The following MYO18A variants were observed in gnomAD, a reference collection of about 807,000 sequenced individuals.
MYO18A encodes the protein myosin XVIIIA, also known as unconventional myosin-XVIIIa.
MYO18A carries 78 observed loss-of-function variants against 235.8 expected under a neutral mutation model. The ratio of observed to expected loss-of-function variants is 0.33; its 90% CI spans 0.28 to 0.40. The LOEUF is 0.40. Ranked by LOEUF, MYO18A falls within the 10% of genes least tolerant of loss-of-function variation. The probability of loss-of-function intolerance (pLI) is 1.00; values close to 1 mark genes in which losing one functional copy is unlikely to be tolerated. For missense variants in MYO18A, 2,215 were observed against 2,699.3 expected (o/e 0.82, Z 3.98); for synonymous variants, 977 against 1,077.8 (o/e 0.91, Z 1.83).
rs554011224 is a variant in MYO18A, at chr17:29,071,506, T to G, written c.*3264A>C. 4 of 152,252 alleles carry G rather than the reference T, an allele frequency of 2.6e-5. No individual in the cohort carries two copies. Among genetic ancestry groups the G allele is most frequent in the Non-Finnish European group, 5.9e-5 (4 of 68,066 alleles). The allele number at this position is 152,252 out of a possible 1,614,324, so 9.4% of individuals were successfully genotyped here. On this transcript the variant is annotated 3_prime_UTR_variant, in exon 42 of 42. Coordinates refer to ENST00000527372, the MANE Select transcript of MYO18A (RefSeq NM_078471.4). The stretch of plus-strand genomic sequence containing the variant: ...GACAATGCACAGCCAGCCTGTGGCA[T>G]GTTCTACCAGCACCTCTCTTTCCCT...
chr17:29,094,774 T>A lies in MYO18A; in HGVS notation c.4586A>T (p.Gln1529Leu). Residue 1529 changes from glutamine to leucine, a missense_variant, in exon 30 of 42, where the codon CAA (glutamine) becomes CTA (leucine). Coordinates refer to ENST00000527372, the MANE Select transcript of MYO18A (RefSeq NM_078471.4). ...CAGAGAAGCCTCATCCTTGGACTCTTGGGAAGAAATGTCCTGGAGCTCTGC... is the reference window on the plus strand; with the variant it reads ...CAGAGAAGCCTCATCCTTGGACTCTAGGGAAGAAATGTCCTGGAGCTCTGC... ...LEAELQDISS[Q>L]ESKDEASLAK... The A allele has an allele frequency of 6.2e-7, 1 of 1,614,040 alleles. No individual in the cohort carries two copies. The highest frequency in any genetic ancestry group is 1.7e-5 in the Admixed American group (1 of 60,024).
At position 29,115,081 on chromosome 17, in the gene MYO18A, C is replaced by G. The variant is rs2067024348; in HGVS notation, c.2337G>C (p.Gln779His). 6.2e-7 allele frequency: 1 copy of G among 1,613,222 alleles called. No individual in the cohort carries two copies. The highest frequency in any genetic ancestry group is 8.5e-7 in the Non-Finnish European group (1 of 1,179,496). ...SLVNRALKSS[Q>H]HSLCSMMIVD... is the part of the protein sequence containing the mutation. ...CAATCATCATGGAGCAGAGTGAGTG[C>G]TGGCTGGACTTGAGAGCCCTGGATA... The change falls in exon 14 of 42, where the codon CAG becomes CAC. Residue 779 changes from glutamine (Q) to histidine (H), a missense_variant. By Grantham distance (24) the Gln-to-His change is conservative. Transcript: ENST00000527372.
In MYO18A at chr17:29,166,727, T is replaced by C. The variant is rs1477807453; in HGVS notation, c.214A>G (p.Ser72Gly). The change falls in exon 2 of 42, where the codon AGC (serine) becomes GGC (glycine). Residue 72 changes from serine to glycine, a missense_variant. Ser to Gly is a moderately conservative substitution (Grantham distance 56). Transcript: ENST00000527372. ...TCAGTCAGGTGCAGGTCAGAGCCGC[T>C]GGCCACCTTGATGGGGATGGGGTTG... is the stretch of plus-strand genomic sequence containing the variant. The part of the protein sequence containing the change: ...ISNPIPIKVA[S>G]GSDLHLTDID... 1.9e-6 allele frequency: 3 copies of C among 1,613,884 alleles called. No individual in the cohort carries two copies. The highest frequency in any genetic ancestry group is 2.2e-5 in the East Asian group (1 of 44,866).
chr17:29,119,430 C>T lies in MYO18A; in HGVS notation c.1734G>A (p.Met578Ile). 1 of 1,609,214 alleles carries T rather than the reference C, an allele frequency of 6.2e-7. No individual in the cohort carries two copies. The highest frequency in any genetic ancestry group is 1.1e-5 in the South Asian group (1 of 89,804). The change falls in exon 8 of 42, where the codon ATG becomes ATA. Residue 578 changes from methionine (M) to isoleucine (I), a missense_variant. Met to Ile is a conservative substitution (Grantham distance 10). Coordinates refer to ENST00000527372, the MANE Select transcript of MYO18A (RefSeq NM_078471.4). ...GQVASASIQT[M>I]LLEKLRVARR... ...GAGCCACACGCAGCTTCTCCAGAAGCATTGTCTGTGACACAGCATGGACGT... is the reference window on the plus strand; with the variant it reads ...GAGCCACACGCAGCTTCTCCAGAAGTATTGTCTGTGACACAGCATGGACGT...
rs201506566 is a variant in MYO18A at position 29,121,893 on chromosome 17, G to A, written c.1152C>T (p.His384=). The A allele has an allele frequency of 8.9e-5, 144 of 1,613,784 alleles. No homozygotes were observed. Among genetic ancestry groups the A allele is most frequent in the African/African-American group, 1.1e-4 (8 of 74,990 alleles). Residue 384 remains histidine (H), a synonymous_variant, in exon 4 of 42, where the codon CAC becomes CAT. Transcript: ENST00000527372. The surrounding 1 kb of genome is among the most constrained non-coding windows in gnomAD (Gnocchi z 4.2). ...CATCCACATCCAGGATGGCCCCATCGTGGTCCAGCTTCACACGCACCTTCC... is the reference window on the plus strand; with the variant it reads ...CATCCACATCCAGGATGGCCCCATCATGGTCCAGCTTCACACGCACCTTCC... ...PEGKVRVKLD[H]DGAILDVDED... is the part of the protein sequence containing the mutation.
intron 15 of MYO18A, among the ~76,000 whole-genome samples, chr17:29,112,740 G>A (rs1474840892): frequency 4.6e-5 from 7 of 152,204 alleles, no homozygotes; most frequent in African/African-American, 2.4e-5. Flanking sequence ...TCAGGGGCTG[G>A]AGGAAAAAAG....
rs115879207 is a variant in MYO18A at position 29,131,724 on chromosome 17, T to A, written c.1000-9471A>T. On this transcript the variant is annotated intron_variant, in intron 2 of 41. Coordinates refer to ENST00000527372, the MANE Select transcript of MYO18A (RefSeq NM_078471.4). ...CCACTTTGGGGGCTGTCTAAAGAGG[T>A]CCACCCACAGTGCCATCGTGGCTTT... Among the ~76,000 whole-genome samples the A allele has an allele frequency of 5.5e-3, 843 of 152,282 alleles. 10 individuals carry two copies. The highest frequency in any genetic ancestry group is 0.02 in the African/African-American group (814 of 41,546).
chr17:29,115,907 A>G (rs1297050722), intron 11 of MYO18A, 67 bp from the exon 12 acceptor site: 1 of 1,513,662 alleles, frequency 6.6e-7, no homozygotes, highest in Non-Finnish European at 8.9e-7. Flanking sequence ...TGACCTGATG[A>G]CCAGCTGATG....
chr17:29,131,268 C>T (rs2067465346), intron 2 of MYO18A: 1 of 539,120 alleles, frequency 1.9e-6, no homozygotes, highest in Non-Finnish European at 2.4e-6. Context: ...ACAGGCTAGT[C>T]CAGGGCTAGT....
At chr17:29,116,312 A>T in intron 11 of MYO18A, 132 bp downstream of exon 11, 1 of 998,188 alleles carries the variant, frequency 1.0e-6, no homozygotes, top group Non-Finnish European at 1.6e-6. Context: ...ACAAACACCC[A>T]CTGATGGCCC....
chr17:29,136,610 A>G (rs1279300419), intron 2 of MYO18A, among the ~76,000 whole-genome samples: 1 of 152,192 alleles, frequency 6.6e-6, no homozygotes, highest in African/African-American at 2.4e-5. Flanking sequence ...TGATATGGGA[A>G]TTATTATTAT....
intron 33 of MYO18A, 27 bp downstream of exon 33, chr17:29,092,828 G>A (rs767628159): frequency 2.5e-6 from 4 of 1,612,418 alleles, no homozygotes; most frequent in Non-Finnish European, 2.5e-6. Context: ...GTTGTGCCTG[G>A]ATCAGCCGTG....
Position 29,106,986 on chromosome 17 carries a change from C to T in MYO18A, c.3441+94G>A. 1 of 1,225,666 alleles carries T rather than the reference C, an allele frequency of 8.2e-7. No homozygotes were observed. The highest frequency in any genetic ancestry group is 1.2e-6 in the Non-Finnish European group (1 of 837,186). The allele number at this position is 1,225,666 out of a possible 1,614,324, so 75.9% of individuals were successfully genotyped here. A position where few individuals can be genotyped will look rare whatever the true frequency, so the allele number is the denominator to read the frequency against. ...GGGAGCCTGAGCAGGGCCAGATGAG[C>T]TGTCTCCAGGGAAGGGAAGGCAGAT... On this transcript the variant is annotated intron_variant, in intron 20 of 41. Transcript: ENST00000527372. This position sits in a 1 kb window ranked among gnomAD's most constrained non-coding sequence, Gnocchi z 4.6.
rs1423980680 is a variant in MYO18A at position 29,109,225 on chromosome 17, G to A, written c.3331+633C>T. 6.6e-6 allele frequency among the ~76,000 whole-genome samples: 1 copy of A among 151,902 alleles called. No homozygotes were observed. The highest frequency in any genetic ancestry group is 6.6e-5 in the Admixed American group (1 of 15,258). On this transcript the variant is annotated intron_variant, in intron 19 of 41. Coordinates refer to ENST00000527372, the MANE Select transcript of MYO18A (RefSeq NM_078471.4). This position sits in a 1 kb window ranked among gnomAD's most constrained non-coding sequence, Gnocchi z 4.1. ...ACATGACTCTACAGCCAGCCTGCCT[G>A]GTCAAATCCCACTCTGCCACTCAGG...
Position 29,109,561 on chromosome 17 carries a change from G to T in MYO18A, c.3331+297C>A, listed in dbSNP as rs565802790. Reference sequence around the variant, plus strand: ...AAGCTGAACTGTCCAAACTAGGGACGTGGGAAGAAAGGGAGCTGTGGACAA... The same window carrying T: ...AAGCTGAACTGTCCAAACTAGGGACTTGGGAAGAAAGGGAGCTGTGGACAA... On this transcript the variant is annotated intron_variant, in intron 19 of 41. Coordinates refer to ENST00000527372, the MANE Select transcript of MYO18A (RefSeq NM_078471.4). The surrounding 1 kb of genome is among the most constrained non-coding windows in gnomAD (Gnocchi z 4.1). Among the ~76,000 whole-genome samples the T allele has an allele frequency of 6.6e-6, 1 of 152,198 alleles. No homozygotes were observed. Among genetic ancestry groups the T allele is most frequent in the African/African-American group, 2.4e-5 (1 of 41,452 alleles).
intron 11 of MYO18A, 113 bp downstream of exon 11, chr17:29,116,331 G>C: frequency 7.9e-7 from 1 of 1,262,090 alleles, no homozygotes. Flanking sequence ...CCAACAGTGG[G>C]GAGGCAAAAA....
At chr17:29,090,293 A>C in intron 36 of MYO18A, 195 bp from the exon 37 acceptor site, 1 of 706,494 alleles carries the variant, frequency 1.4e-6, no homozygotes, top group African/African-American at 1.8e-5. Context: ...ATTGCCCTTC[A>C]GAGAGAAAGG....
chr17:29,135,225 C>T (rs1396538654), intron 2 of MYO18A, among the ~76,000 whole-genome samples: 3 of 152,062 alleles, frequency 2.0e-5, no homozygotes, highest in South Asian at 2.1e-4. Flanking sequence ...CTCAGCCTCC[C>T]GAGTAGCTGG....
At chr17:29,128,269 G>A (rs2067374824) in intron 2 of MYO18A, 1 of 1,178,064 alleles carries the variant, frequency 8.5e-7, no homozygotes, top group Admixed American at 3.6e-5. Context: ...GGTGCTCGGG[G>A]GACTTGACTC....
Sources: allele counts gnomAD v4.1 joint callset (sites outside exome capture counted in the v4.1 genomes callset), GRCh38; gene constraint gnomAD v4.1.1; non-coding constraint Gnocchi (gnomAD v3.1); transcripts MANE v1.5; gene names NCBI Gene and HGNC (gene_info 2026-07-23, HGNC 2026-07-21).